Variants in SLC10A2 observed in about 807,000 individuals in gnomAD.
SLC10A2 encodes solute carrier family 10 member 2, also known as ileal sodium/bile acid cotransporter.
SLC10A2 carries 34 observed loss-of-function variants against 27.1 expected under a neutral mutation model. The observed-to-expected ratio is 1.26, with a 90% CI of 0.96 to 1.67. SLC10A2 has a LOEUF of 1.67. Among genes scored for constraint, SLC10A2 ranks in the 40% most tolerant of loss-of-function variants. The probability of loss-of-function intolerance (pLI) is 0.00; values close to 1 mark genes in which losing one functional copy is unlikely to be tolerated. For synonymous variants in SLC10A2, 205 were observed against 174.0 expected (o/e 1.18, Z -1.40); for missense variants, 530 against 444.4 (o/e 1.19, Z -1.73).
At chr13:103,065,093 A>G (rs1389356384) in intron 1 of SLC10A2, among the ~76,000 whole-genome samples, 1 of 152,244 alleles carries the variant, frequency 6.6e-6, no homozygotes, top group Non-Finnish European at 1.5e-5. Flanking sequence ...AGCTAAGGAA[A>G]AAGACATTTG....
rs530037401 is a variant in SLC10A2 at position 103,064,765 on chromosome 13, G to A, written c.377+1108C>T. Among the ~76,000 whole-genome samples, 10 of 149,778 alleles carry A rather than the reference G, an allele frequency of 6.7e-5. No individual in the cohort carries two copies. In the East Asian group the frequency reaches 1.6e-3, roughly 23 times the overall value. Reference sequence around the variant, plus strand: ...TTTCCTTAAAAAAAAAAAAGCAATTGCAAGGTGGATATCATGTGTTTTCTT... The same window carrying A: ...TTTCCTTAAAAAAAAAAAAGCAATTACAAGGTGGATATCATGTGTTTTCTT... On this transcript the variant is annotated intron_variant, in intron 1 of 5. Coordinates refer to ENST00000245312, the MANE Select transcript of SLC10A2 (RefSeq NM_000452.3).
At position 103,046,160 on chromosome 13, in the gene SLC10A2, A is replaced by T. The variant is rs201690389; in HGVS notation, c.1020T>A (p.Asn340Lys). 11 of 1,613,584 alleles carry T rather than the reference A, an allele frequency of 6.8e-6. No homozygotes were observed. Among genetic ancestry groups the T allele is most frequent in the Middle Eastern group, 3.3e-4 (2 of 6,082 alleles). Reference sequence around the variant, plus strand: ...ACTTTTCGTCAGGTTGAAATCCTCCATTTGCCTTATAAAACGATGACTCTG... The same window carrying T: ...ACTTTTCGTCAGGTTGAAATCCTCCTTTTGCCTTATAAAACGATGACTCTG... The part of the protein sequence containing the change: ...TEPESSFYKA[N>K]GGFQPDEK Residue 340 changes from asparagine to lysine, a missense_variant, in exon 6 of 6, where the codon AAT becomes AAA. Physicochemically the swap from Asn to Lys is moderately conservative, Grantham distance 94. Coordinates refer to ENST00000245312, the MANE Select transcript of SLC10A2 (RefSeq NM_000452.3).
intron 1 of SLC10A2, among the ~76,000 whole-genome samples, chr13:103,059,619 A>T (rs1317092227): frequency 6.6e-6 from 1 of 152,154 alleles, no homozygotes; most frequent in Non-Finnish European, 1.5e-5. Flanking sequence ...AACAGTATTA[A>T]ACGATGGGTT....
intron 1 of SLC10A2, among the ~76,000 whole-genome samples, chr13:103,064,774 A>T (rs1876222421): frequency 6.8e-6 from 1 of 147,742 alleles, no homozygotes; most frequent in Non-Finnish European, 1.5e-5. Context: ...TGCAAGGTGG[A>T]TATCATGTGT....
chr13:103,059,622 G>A (rs1257201758), intron 1 of SLC10A2, among the ~76,000 whole-genome samples: 3 of 152,118 alleles, frequency 2.0e-5, no homozygotes, highest in South Asian at 4.1e-4. Context: ...AGTATTAAAC[G>A]ATGGGTTAAA....
chr13:103,046,744 T>C (rs1198327408), intron 5 of SLC10A2, among the ~76,000 whole-genome samples: 5 of 152,188 alleles, frequency 3.3e-5, no homozygotes, highest in Non-Finnish European at 7.3e-5. Flanking sequence ...ACTCGGCTGA[T>C]GGGTGATCAG....
At chr13:103,051,165 A>C (rs1875764981) in intron 4 of SLC10A2, 92 bp downstream of exon 4, 2 of 1,260,152 alleles carry the variant, frequency 1.6e-6, no homozygotes, top group Admixed American at 1.7e-5. Context: ...TAAGCCACTC[A>C]GTTTGTGGTT....
intron 1 of SLC10A2, among the ~76,000 whole-genome samples, chr13:103,060,809 A>G (rs1876093625): frequency 6.6e-6 from 1 of 152,184 alleles, no homozygotes; most frequent in Admixed American, 6.5e-5. Flanking sequence ...GAGGTTGTCA[A>G]GAGTAGTAAT....
At chr13:103,054,074 C>T (rs546681961) in intron 2 of SLC10A2, among the ~76,000 whole-genome samples, 13 of 151,216 alleles carry the variant, frequency 8.6e-5, no homozygotes, top group East Asian at 1.9e-4. Context: ...AACTAAAGGA[C>T]GGGTCTGTTG....
chr13:103,058,936 T>C (rs545543289), intron 1 of SLC10A2, among the ~76,000 whole-genome samples: 2 of 152,342 alleles, frequency 1.3e-5, no homozygotes, highest in Admixed American at 1.3e-4. Flanking sequence ...CATGTGTCTT[T>C]ATAATAGAAC....
rs752134537 is a variant in SLC10A2 at position 103,058,230 on chromosome 13, T to C, written c.496+34A>G. 5 of 1,212,694 alleles carry C rather than the reference T, an allele frequency of 4.1e-6. No homozygotes were observed. The South Asian group carries it at 4.8e-5, about 12-fold the overall frequency. The allele number at this position is 1,212,694 out of a possible 1,614,324, so 75.1% of individuals were successfully genotyped here. A position where few individuals can be genotyped will look rare whatever the true frequency, so the allele number is the denominator to read the frequency against. On this transcript the variant is annotated intron_variant, in intron 2 of 5. Coordinates refer to ENST00000245312, the MANE Select transcript of SLC10A2 (RefSeq NM_000452.3). Reference sequence around the variant, plus strand: ...AGGGGGTAAGCAGAGAGTTTGAGGGTAACAGTCAACAGTCTTACAGATGGA... The same window carrying C: ...AGGGGGTAAGCAGAGAGTTTGAGGGCAACAGTCAACAGTCTTACAGATGGA...
intron 1 of SLC10A2, among the ~76,000 whole-genome samples, chr13:103,059,032 C>G (rs1876024756): frequency 6.6e-6 from 1 of 152,192 alleles, no homozygotes. Flanking sequence ...GGAATTGCCA[C>G]ACTGCTTTCC....
intron 2 of SLC10A2, among the ~76,000 whole-genome samples, chr13:103,056,474 T>C (rs1376132437): frequency 6.6e-6 from 1 of 152,184 alleles, no homozygotes; most frequent in Admixed American, 6.5e-5. Flanking sequence ...GTTAGAATTA[T>C]TCAGTATTTC....
Position 103,066,213 on chromosome 13 carries a change from C to T in SLC10A2, c.37G>A (p.Val13Ile). The change falls in exon 1 of 6, where the codon GTT becomes ATT. Residue 13 changes from valine (V) to isoleucine (I), a missense_variant. By Grantham distance (29) the Val-to-Ile change is conservative (BLOSUM62 3). Coordinates refer to ENST00000245312, the MANE Select transcript of SLC10A2 (RefSeq NM_000452.3). ...DPNSCVDNAT[V>I]CSGASCVVPE... ...ACCACACAGGATGCACCAGAGCAAACTGTTGCATTGTCCACACAGCTGTTC... is the reference window on the plus strand; with the variant it reads ...ACCACACAGGATGCACCAGAGCAAATTGTTGCATTGTCCACACAGCTGTTC... 6.2e-7 allele frequency: 1 copy of T among 1,613,526 alleles called. No individual in the cohort carries two copies. Among genetic ancestry groups the T allele is most frequent in the Non-Finnish European group, 8.5e-7 (1 of 1,179,536 alleles).
chr13:103,061,495 G>C (rs9518914), intron 1 of SLC10A2, among the ~76,000 whole-genome samples: 9,952 of 152,112 alleles, frequency 0.065, 396 homozygotes, highest in African/African-American at 0.1. Context: ...CCAGTGAAGA[G>C]AAGTCTGAGA....
chr13:103,053,787 G>T lies in SLC10A2; in HGVS notation c.497-1079C>A, dbSNP rs149481538. Among the ~76,000 whole-genome samples, 1,104 of 152,098 alleles carry T rather than the reference G, an allele frequency of 7.3e-3. 14 individuals carry two copies. Among genetic ancestry groups the T allele is most frequent in the African/African-American group, 0.025 (1,055 of 41,478 alleles). ...CTTCTAGCCCTCCTGGCAATATAAG[G>T]GTCAGTGATGACTTTTGCCCAGAAA... On this transcript the variant is annotated intron_variant, in intron 2 of 5. Coordinates refer to ENST00000245312, the MANE Select transcript of SLC10A2 (RefSeq NM_000452.3).
intron 2 of SLC10A2, 52 bp downstream of exon 2, chr13:103,058,212 A>C: frequency 9.5e-7 from 1 of 1,047,488 alleles, no homozygotes; most frequent in South Asian, 1.3e-5. Context: ...AGCAGGGGGT[A>C]AGCAGAGAGT....
chr13:103,048,377 T>C (rs1875673077), intron 5 of SLC10A2, among the ~76,000 whole-genome samples: 1 of 136,088 alleles, frequency 7.3e-6, no homozygotes, highest in African/African-American at 2.8e-5. Flanking sequence ...GACGACAGAG[T>C]GAGGGGCTGT....
intron 2 of SLC10A2, among the ~76,000 whole-genome samples, chr13:103,057,163 A>G (rs72657875): frequency 0.025 from 3,760 of 152,160 alleles, 78 homozygotes; most frequent in East Asian, 0.05. Context: ...GTCAGTGGGG[A>G]AAAAAACCCA....
Sources: gnomAD v4.1 joint callset for allele counts (sites outside exome capture counted in the v4.1 genomes callset) on GRCh38, gnomAD v4.1.1 for gene constraint, MANE v1.5 for transcripts, NCBI Gene and HGNC (gene_info 2026-07-23, HGNC 2026-07-21) for gene names.